CEACAM16: variants seen among roughly 807,000 people sequenced by gnomAD.
The protein encoded by CEACAM16 is cell adhesion molecule CEACAM16.
In CEACAM16, 30 loss-of-function variants were observed where a neutral mutation model predicts 39.4. The ratio of observed to expected loss-of-function variants is 0.76; its 90% CI spans 0.57 to 1.03. The LOEUF is 1.03. Ranked by LOEUF, CEACAM16 falls within the 50% of genes least tolerant of loss-of-function variation. The pLI is 0.00. For synonymous variants in CEACAM16, 262 were observed against 264.9 expected, an observed-to-expected ratio of 0.99 and a Z score of 0.11; for missense variants, 521 against 585.3, an observed-to-expected ratio of 0.89 and a Z score of 1.13.
At position 44,705,799 on chromosome 19, in the gene CEACAM16, T is replaced by C. The variant is rs1352154187; in HGVS notation, c.871T>C (p.Tyr291His). ...CATGACAGCCGCCCAGGAGGGGACG[T>C]ACACATGTATTGCGAAGAACACCAA... ...SSMTAAQEGT[Y>H]TCIAKNTKTL... The change falls in exon 5 of 7, where the codon TAC becomes CAC. Residue 291 changes from tyrosine to histidine, a missense_variant. Coordinates refer to ENST00000587331, the MANE Select transcript of CEACAM16 (RefSeq NM_001039213.4). 1 of 1,613,840 alleles carries C rather than the reference T, an allele frequency of 6.2e-7. No homozygotes were observed.
chr19:44,700,775 G>T (rs1974332646), intron 1 of CEACAM16, among the ~76,000 whole-genome samples: 1 of 152,314 alleles, frequency 6.6e-6, no homozygotes, highest in Non-Finnish European at 1.5e-5. Flanking sequence ...TGAGCACTTT[G>T]CAGGAAGCCA....
At chr19:44,703,142 G>A (rs1599809089) in intron 2 of CEACAM16, among the ~76,000 whole-genome samples, 3 of 152,312 alleles carry the variant, frequency 2.0e-5, no homozygotes, top group South Asian at 2.1e-4. Context: ...CAGTGTACTC[G>A]AAGCCATGCA....
At chr19:44,703,238 C>T (rs1974377735) in intron 2 of CEACAM16, 111 bp from the exon 3 acceptor site, 2 of 946,478 alleles carry the variant, frequency 2.1e-6, no homozygotes, top group East Asian at 5.3e-5. Context: ...TCCTCATTTA[C>T]ACAGAGGACA....
Position 44,701,402 on chromosome 19 carries a change from T to C in CEACAM16, c.-55T>C. 1.3e-6 allele frequency: 2 copies of C among 1,545,700 alleles called. No individual in the cohort carries two copies. Among genetic ancestry groups the C allele is most frequent in the East Asian group, 2.4e-5 (1 of 40,974 alleles). ...AGCCGAGCCCCAACCAGGAAGGGAG[T>C]CCGAGCACTGGGACTTCAACGCCAC... On this transcript the variant is annotated 5_prime_UTR_variant, in exon 2 of 7. Transcript: ENST00000587331. This position sits in a 1 kb window ranked among gnomAD's most constrained non-coding sequence, Gnocchi z 4.0.
intron 2 of CEACAM16, among the ~76,000 whole-genome samples, chr19:44,702,861 G>A (rs765535353): frequency 1.3e-5 from 2 of 152,230 alleles, no homozygotes; most frequent in Admixed American, 1.3e-4. Flanking sequence ...CCTGTGGGCC[G>A]AGCACTTGCT....
chr19:44,703,648 A>G lies in CEACAM16; in HGVS notation c.337A>G (p.Arg113Gly). ...CACCTACATCCTGCAGACCTTCAACAGGCAGTTGCAGACCGAGGTGGGCTA... is the reference window on the plus strand; with the variant it reads ...CACCTACATCCTGCAGACCTTCAACGGGCAGTTGCAGACCGAGGTGGGCTA... ...SGTYILQTFN[R>G]QLQTEVGYGH... Residue 113 changes from arginine (R) to glycine (G), a missense_variant, in exon 3 of 7, where the codon AGG becomes GGG. Coordinates refer to ENST00000587331, the MANE Select transcript of CEACAM16 (RefSeq NM_001039213.4). 3 of 1,592,914 alleles carry G rather than the reference A, an allele frequency of 1.9e-6. No homozygotes were observed. Among genetic ancestry groups the G allele is most frequent in the Non-Finnish European group, 1.7e-6 (2 of 1,166,876 alleles).
intron 4 of CEACAM16, among the ~76,000 whole-genome samples, chr19:44,705,043 A>G (rs1316268418): frequency 2.0e-5 from 3 of 152,222 alleles, no homozygotes; most frequent in Non-Finnish European, 2.9e-5. Flanking sequence ...CCCATGATGT[A>G]GAAAAACTTA....
chr19:44,708,239 A>C (rs1974483653), intron 6 of CEACAM16, 52 bp downstream of exon 6: 1 of 1,433,502 alleles, frequency 7.0e-7, no homozygotes, highest in East Asian at 2.6e-5. Context: ...AAGGGCTCCC[A>C]AAAGGAGCCT....
chr19:44,703,357 C>T lies in CEACAM16; in HGVS notation c.46C>T (p.Leu16=). The T allele has an allele frequency of 6.2e-6, 10 of 1,609,058 alleles. No individual in the cohort carries two copies. Among genetic ancestry groups the T allele is most frequent in the Non-Finnish European group, 8.5e-6 (10 of 1,176,138 alleles). Reference sequence around the variant, plus strand: ...TGACTCCTCTTCCTCAGCCACATTCCTGAATGTGGGGGCCGAGATCTCTAT... The same window carrying T: ...TGACTCCTCTTCCTCAGCCACATTCTTGAATGTGGGGGCCGAGATCTCTAT... ...YSWLLLSATF[L]NVGAEISITL... The change falls in exon 3 of 7, where the codon CTG becomes TTG. Residue 16 remains leucine, a synonymous_variant. Coordinates refer to ENST00000587331, the MANE Select transcript of CEACAM16 (RefSeq NM_001039213.4).
chr19:44,705,520 A>C (rs1974428920), intron 4 of CEACAM16, 70 bp from the exon 5 acceptor site: 7 of 1,490,948 alleles, frequency 4.7e-6, no homozygotes, highest in Non-Finnish European at 6.3e-6. Context: ...GGTGGAGAGA[A>C]AACCAGGGGT....
chr19:44,710,026 CT>C (rs1460110797), intron 6 of CEACAM16, among the ~76,000 whole-genome samples: 2 of 152,258 alleles, frequency 1.3e-5, no homozygotes, highest in African/African-American at 4.8e-5. Context: ...CTCTCAGACA[CT>C]GGGGATGAGA....
chr19:44,705,305 A>G (rs1974424497), intron 4 of CEACAM16, among the ~76,000 whole-genome samples: 1 of 151,480 alleles, frequency 6.6e-6, no homozygotes, highest in Admixed American at 6.6e-5. Context: ...AAAAAAAATC[A>G]TTTAGGCTTT....
intron 1 of CEACAM16, chr19:44,699,589 C>A (rs1427393630): frequency 5.4e-6 from 2 of 367,932 alleles, no homozygotes; most frequent in Non-Finnish European, 1.1e-5. Flanking sequence ...GCTGGCCAGG[C>A]TGGTCTTGAA....
rs1461620592 is a variant in CEACAM16, at chr19:44,703,330, T to A, written c.38-19T>A. The A allele has an allele frequency of 6.3e-7, 1 of 1,599,976 alleles. No individual in the cohort carries two copies. The highest frequency in any genetic ancestry group is 1.1e-5 in the South Asian group (1 of 89,602). The stretch of plus-strand genomic sequence containing the variant: ...GATCAAACCTGCCTCATCCAACCCC[T>A]CTGACTCCTCTTCCTCAGCCACATT... On this transcript the variant is annotated intron_variant, in intron 2 of 6. Coordinates refer to ENST00000587331, the MANE Select transcript of CEACAM16 (RefSeq NM_001039213.4).
intron 5 of CEACAM16, among the ~76,000 whole-genome samples, chr19:44,707,145 A>G (rs1298728942): frequency 6.6e-6 from 1 of 152,166 alleles, no homozygotes; most frequent in African/African-American, 2.4e-5. Flanking sequence ...TCCAGGAGAC[A>G]TGGCCCTGTT....
chr19:44,709,518 A>G (rs1030831960), intron 6 of CEACAM16, among the ~76,000 whole-genome samples: 2 of 130,000 alleles, frequency 1.5e-5, no homozygotes, highest in African/African-American at 6.6e-5. Flanking sequence ...GTCAGGGACC[A>G]TGTCTCCTCC....
At chr19:44,705,894 C>T (rs1172050523) in intron 5 of CEACAM16, 26 bp downstream of exon 5, 3 of 1,596,564 alleles carry the variant, frequency 1.9e-6, no homozygotes, top group Admixed American at 1.7e-5. Context: ...CCTGACCACC[C>T]CCCAGTCCCC....
chr19:44,700,149 G>T (rs1358624939), intron 1 of CEACAM16, among the ~76,000 whole-genome samples: 1 of 152,172 alleles, frequency 6.6e-6, no homozygotes, highest in East Asian at 1.9e-4. Context: ...GGGACTACAG[G>T]TGCACACCAC....
intron 3 of CEACAM16, 88 bp from the exon 4 acceptor site, chr19:44,703,930 A>G (rs1309028056): frequency 7.1e-7 from 1 of 1,413,270 alleles, no homozygotes; most frequent in Non-Finnish European, 9.5e-7. Context: ...CCCAGCCACA[A>G]TCCGGCCATG....
Sources: gnomAD v4.1 joint callset for allele counts (sites outside exome capture counted in the v4.1 genomes callset) on GRCh38, gnomAD v4.1.1 for gene constraint, Gnocchi (gnomAD v3.1) non-coding constraint, MANE v1.5 for transcripts, NCBI Gene and HGNC (gene_info 2026-07-23, HGNC 2026-07-21) for gene names.